The following ANKRD45 variants were observed in gnomAD, a reference collection of about 807,000 sequenced individuals.
ANKRD45 encodes the protein ankyrin repeat domain 45.
ANKRD45 carries 21 observed loss-of-function variants against 28.1 expected under a neutral mutation model. The ratio of observed to expected loss-of-function variants is 0.75; its 90% CI spans 0.53 to 1.08. The LOEUF is 1.08. ANKRD45 is among the 50% of genes least tolerant of loss of function. The pLI is 0.00. For missense variants in ANKRD45, 261 were observed against 308.7 expected (o/e 0.85, Z 1.16); for synonymous variants, 86 against 103.9 (o/e 0.83, Z 1.05).
At chr1:173,640,539 C>T (rs1228104354) in intron 3 of ANKRD45, among the ~76,000 whole-genome samples, 1 of 152,080 alleles carries the variant, frequency 6.6e-6, no homozygotes, top group Non-Finnish European at 1.5e-5. Context: ...TTTTTATATA[C>T]CTTCTATATT....
chr1:173,611,184 C>G (rs897561519), intron 5 of ANKRD45, among the ~76,000 whole-genome samples: 2 of 152,204 alleles, frequency 1.3e-5, no homozygotes, highest in Non-Finnish European at 2.9e-5. Flanking sequence ...CACTTTTGAT[C>G]ATAATACTGT....
intron 5 of ANKRD45, among the ~76,000 whole-genome samples, chr1:173,616,820 G>A (rs543235710): frequency 2.6e-5 from 4 of 152,258 alleles, no homozygotes; most frequent in South Asian, 4.1e-4. Flanking sequence ...ACCTTCAAAT[G>A]AAATATCCAG....
At chr1:173,675,779 G>C in the ANKRD45 span, among the ~76,000 whole-genome samples, 5 of 152,058 alleles carry the variant, frequency 3.3e-5, no homozygotes, top group Admixed American at 2.0e-4. Flanking sequence ...GACAAATCAT[G>C]GTAAGACTGA....
chr1:173,619,845 A>C (rs1667625360), intron 5 of ANKRD45, among the ~76,000 whole-genome samples: 1 of 151,968 alleles, frequency 6.6e-6, no homozygotes, highest in East Asian at 1.9e-4. Flanking sequence ...AAAAAAAGAC[A>C]AAGAAGCAAA....
intron 5 of ANKRD45, among the ~76,000 whole-genome samples, chr1:173,617,867 G>A (rs1264710469): frequency 6.6e-6 from 1 of 152,180 alleles, no homozygotes; most frequent in Admixed American, 6.5e-5. Flanking sequence ...ACCTCCTACA[G>A]GAGTGTCCAG....
intron 5 of ANKRD45, among the ~76,000 whole-genome samples, chr1:173,623,979 G>A (rs889156833): frequency 2.0e-5 from 3 of 151,400 alleles, no homozygotes; most frequent in African/African-American, 7.3e-5. Flanking sequence ...GCATCAGGAA[G>A]AATAGCTAAT....
Position 173,625,130 on chromosome 1 carries a change from A to C in ANKRD45, c.592-205T>G, listed in dbSNP as rs547607554. Among the ~76,000 whole-genome samples, 6 of 152,292 alleles carry C rather than the reference A, an allele frequency of 3.9e-5. No homozygotes were observed. The South Asian group carries it at 1.2e-3, about 32-fold the overall frequency. On this transcript the variant is annotated intron_variant, in intron 4 of 5. Coordinates refer to ENST00000333279, the MANE Select transcript of ANKRD45 (RefSeq NM_198493.3). ...AGGGTGACTAAGGAACTACATTTTAAATTTTATTTAATTTTAAATAATTCA... is the reference window on the plus strand; with the variant it reads ...AGGGTGACTAAGGAACTACATTTTACATTTTATTTAATTTTAAATAATTCA...
At chr1:173,655,398 C>A (rs1325548809) in intron 2 of ANKRD45, among the ~76,000 whole-genome samples, 2 of 152,090 alleles carry the variant, frequency 1.3e-5, no homozygotes, top group African/African-American at 2.4e-5. Context: ...CCACTCCAGA[C>A]CTGTTTGCTT....
intron 2 of ANKRD45, among the ~76,000 whole-genome samples, chr1:173,656,952 G>A (rs558619061): frequency 4.7e-5 from 7 of 148,086 alleles, no homozygotes; most frequent in South Asian, 4.4e-4. Flanking sequence ...TTGGGAGGCC[G>A]AAGGAAGAGC....
At chr1:173,623,087 G>A (rs958058008) in intron 5 of ANKRD45, among the ~76,000 whole-genome samples, 6 of 152,002 alleles carry the variant, frequency 3.9e-5, no homozygotes, top group African/African-American at 1.4e-4. Context: ...AGACTGAGGT[G>A]GGCGGACCAC....
chr1:173,657,259 G>A (rs556511801), intron 2 of ANKRD45: 40 of 225,490 alleles, frequency 1.8e-4, no homozygotes, highest in Non-Finnish European at 3.4e-4. Context: ...CTGGGGTCAG[G>A]ATTTTGAGAC....
At chr1:173,658,016 C>G (rs1184880676) in intron 2 of ANKRD45, 1 of 151,886 alleles carries the variant, frequency 6.6e-6, no homozygotes, top group Admixed American at 6.6e-5. Flanking sequence ...CTTCTGTGAC[C>G]AATAGATGAT....
chr1:173,627,298 A>C, intron 3 of ANKRD45, 139 bp from the exon 4 acceptor site: 1 of 621,706 alleles, frequency 1.6e-6, no homozygotes, highest in Non-Finnish European at 2.8e-6. Context: ...AAAAGCACCA[A>C]CATGAGAACC....
At chr1:173,682,922 T>TA in the ANKRD45 span, among the ~76,000 whole-genome samples, 1 of 149,620 alleles carries the variant, frequency 6.7e-6, no homozygotes, top group Admixed American at 6.6e-5. Context: ...GTAGTCAAAA[T>TA]AAAAAATCTT....
chr1:173,693,456 A>G, the ANKRD45 span, among the ~76,000 whole-genome samples: 1 of 152,220 alleles, frequency 6.6e-6, no homozygotes, highest in Admixed American at 6.5e-5. Flanking sequence ...ATGCATGCAT[A>G]TTCATGCTGG....
chr1:173,638,026 C>T (rs563798305), intron 3 of ANKRD45, among the ~76,000 whole-genome samples: 5 of 152,114 alleles, frequency 3.3e-5, no homozygotes, highest in East Asian at 1.9e-4. Context: ...ACTCCATGCA[C>T]GGGCCAAGGT....
chr1:173,668,008 T>A (rs1670097113), intron 1 of ANKRD45, among the ~76,000 whole-genome samples: 1 of 152,220 alleles, frequency 6.6e-6, no homozygotes, highest in Non-Finnish European at 1.5e-5. Flanking sequence ...GAGAAATATA[T>A]AATTATGTTA....
At chr1:173,614,761 G>A (rs572081337) in intron 5 of ANKRD45, among the ~76,000 whole-genome samples, 1 of 152,134 alleles carries the variant, frequency 6.6e-6, no homozygotes, top group South Asian at 2.1e-4. Context: ...TCCTTTTTGA[G>A]GTGTAGTGTC....
chr1:173,655,354 C>T lies in ANKRD45; in HGVS notation c.328+3737G>A, dbSNP rs553455213. On this transcript the variant is annotated intron_variant, in intron 2 of 5. Coordinates refer to ENST00000333279, the MANE Select transcript of ANKRD45 (RefSeq NM_198493.3). ...AGTTTTCCTTCTAACAGTCAGGTCC[C>T]TCAGCTGCAGGTCTGTTGGAGTTTG... Among the ~76,000 whole-genome samples, 5 of 152,330 alleles carry T rather than the reference C, an allele frequency of 3.3e-5. No individual in the cohort carries two copies. In the East Asian group the frequency reaches 5.8e-4, roughly 18 times the overall value.
Sources: allele counts gnomAD v4.1 joint callset (sites outside exome capture counted in the v4.1 genomes callset), GRCh38; gene constraint gnomAD v4.1.1; transcripts MANE v1.5; gene names NCBI Gene and HGNC (gene_info 2026-07-23, HGNC 2026-07-21).